Variants in DMRT1 observed in about 807,000 individuals in gnomAD.
DMRT1 encodes the protein doublesex and mab-3 related transcription factor 1, also known as doublesex- and mab-3-related transcription factor 1.
Under a neutral mutation model 32.3 loss-of-function variants are expected in DMRT1, and 7 were observed. The ratio of observed to expected loss-of-function variants is 0.22; its 90% CI spans 0.12 to 0.41. The LOEUF (loss-of-function observed/expected upper bound fraction) is 0.41. Ranked by LOEUF, DMRT1 falls within the 10% of genes least tolerant of loss-of-function variation. DMRT1 has a pLI of 1.00. For synonymous variants in DMRT1, 278 were observed against 206.1 expected, an observed-to-expected ratio of 1.35 and a Z score of -2.99; for missense variants, 625 against 500.5, an observed-to-expected ratio of 1.25 and a Z score of -2.37.
At chr9:845,279 G>A (rs147039897) in intron 1 of DMRT1, among the ~76,000 whole-genome samples, 3,363 of 151,124 alleles carry the variant, frequency 0.022, 119 homozygotes, top group African/African-American at 0.077. Flanking sequence ...GCTCGATTTC[G>A]GCTCACTGCA....
intron 2 of DMRT1, among the ~76,000 whole-genome samples, chr9:863,149 C>CCAAAA (rs1554745425): frequency 3.1e-5 from 3 of 98,296 alleles, no homozygotes; most frequent in Admixed American, 2.5e-4. Context: ...CAGGTCTCTA[C>CCAAAA]AAAAAAAAAA....
At chr9:848,306 C>T (rs1011367545) in intron 2 of DMRT1, among the ~76,000 whole-genome samples, 7 of 152,034 alleles carry the variant, frequency 4.6e-5, no homozygotes, top group Admixed American at 2.6e-4. Flanking sequence ...GAAAGGGTTC[C>T]TGAGGGTCTT....
intron 4 of DMRT1, among the ~76,000 whole-genome samples, chr9:957,610 A>G (rs1819640117): frequency 6.6e-6 from 1 of 152,180 alleles, no homozygotes; most frequent in African/African-American, 2.4e-5. Context: ...GTAGGCATGT[A>G]TTCTCCTGTC....
intron 2 of DMRT1, among the ~76,000 whole-genome samples, chr9:866,715 G>T (rs1039875796): frequency 4.6e-5 from 7 of 152,200 alleles, no homozygotes; most frequent in Non-Finnish European, 8.8e-5. Context: ...TCTTTAGTGA[G>T]TTTGAGATGT....
intron 2 of DMRT1, among the ~76,000 whole-genome samples, chr9:864,537 C>G (rs1209262706): frequency 1.9e-5 from 2 of 102,776 alleles, no homozygotes; most frequent in East Asian, 6.0e-4. Context: ...CTTGCTCTGT[C>G]GCCCAGGCTG....
chr9:858,594 C>T (rs1190598382), intron 2 of DMRT1, among the ~76,000 whole-genome samples: 1 of 152,048 alleles, frequency 6.6e-6, no homozygotes, highest in African/African-American at 2.4e-5. Flanking sequence ...TCATTTTAGG[C>T]TGGGCGCAGT....
chr9:951,815 G>A (rs547467055), intron 4 of DMRT1, among the ~76,000 whole-genome samples: 1 of 152,226 alleles, frequency 6.6e-6, no homozygotes, highest in East Asian at 1.9e-4. Flanking sequence ...CAGAGGACCA[G>A]GCAAACACAT....
chr9:866,375 A>G (rs1312949006), intron 2 of DMRT1, among the ~76,000 whole-genome samples: 1 of 152,134 alleles, frequency 6.6e-6, no homozygotes. Flanking sequence ...ATAATATTTC[A>G]GACCCCTTGA....
chr9:875,593 T>A (rs1196760234), intron 2 of DMRT1, among the ~76,000 whole-genome samples: 2 of 152,270 alleles, frequency 1.3e-5, no homozygotes, highest in African/African-American at 2.4e-5. Flanking sequence ...AATATATGGA[T>A]GATGGTGTGA....
chr9:903,514 A>G (rs1191457554), intron 3 of DMRT1, among the ~76,000 whole-genome samples: 13 of 152,236 alleles, frequency 8.5e-5, no homozygotes, highest in Admixed American at 8.5e-4. Context: ...TTGATCCTGC[A>G]GCAAGGGTAG....
intron 2 of DMRT1, among the ~76,000 whole-genome samples, chr9:862,014 C>T (rs534297800): frequency 5.6e-4 from 84 of 150,056 alleles, no homozygotes; most frequent in Non-Finnish European, 1.0e-3. Context: ...CCTCACTTCC[C>T]AGACTGGGCG....
intron 4 of DMRT1, among the ~76,000 whole-genome samples, chr9:925,178 A>G (rs1392685529): frequency 2.0e-5 from 3 of 152,218 alleles, no homozygotes; most frequent in Admixed American, 2.0e-4. Context: ...GGTGCCTGGC[A>G]TCGTGCAGTG....
At chr9:876,332 C>CAAATCATG (rs1485953578) in intron 2 of DMRT1, among the ~76,000 whole-genome samples, 10 of 152,048 alleles carry the variant, frequency 6.6e-5, no homozygotes, top group African/African-American at 2.4e-4. Context: ...GACCTGGGGC[C>CAAATCATG]AAATCATGAC....
intron 3 of DMRT1, among the ~76,000 whole-genome samples, chr9:908,007 C>A (rs1049805305): frequency 6.6e-5 from 10 of 152,240 alleles, no homozygotes; most frequent in South Asian, 2.1e-4. Context: ...AACAGTTGAA[C>A]AACACAAGTT....
intron 2 of DMRT1, among the ~76,000 whole-genome samples, chr9:857,463 T>G (rs1325338776): frequency 6.6e-6 from 1 of 152,158 alleles, no homozygotes; most frequent in African/African-American, 2.4e-5. Flanking sequence ...AGAGAGTTTT[T>G]CTTTGCTGTA....
intron 4 of DMRT1, among the ~76,000 whole-genome samples, chr9:933,531 C>G (rs920651473): frequency 2.0e-5 from 3 of 152,140 alleles, no homozygotes; most frequent in Non-Finnish European, 2.9e-5. Context: ...CTCTCCTGAC[C>G]GGGTTTCTTC....
intron 4 of DMRT1, among the ~76,000 whole-genome samples, chr9:945,839 A>C (rs1268453596): frequency 6.6e-6 from 1 of 151,982 alleles, no homozygotes; most frequent in Non-Finnish European, 1.5e-5. Flanking sequence ...TCAAGAGCTA[A>C]ACTCTTGATG....
intron 4 of DMRT1, among the ~76,000 whole-genome samples, chr9:960,274 A>T (rs1819729039): frequency 6.6e-6 from 1 of 152,258 alleles, no homozygotes; most frequent in Non-Finnish European, 1.5e-5. Context: ...GAAGAAAGCA[A>T]TTGTTGACTT....
intron 2 of DMRT1, among the ~76,000 whole-genome samples, chr9:877,091 C>T (rs1348346253): frequency 6.6e-6 from 1 of 152,222 alleles, no homozygotes; most frequent in African/African-American, 2.4e-5. Context: ...CCAAGGACTT[C>T]TCTGTGGTCA....
Sources: gnomAD v4.1 joint callset for allele counts (sites outside exome capture counted in the v4.1 genomes callset) on GRCh38, gnomAD v4.1.1 for gene constraint, MANE v1.5 for transcripts, NCBI Gene and HGNC (gene_info 2026-07-23, HGNC 2026-07-21) for gene names.